GSPT1: variants seen among roughly 807,000 people sequenced by gnomAD.
GSPT1 encodes eukaryotic peptide chain release factor GTP-binding subunit ERF3A.
Under a neutral mutation model 72.5 loss-of-function variants are expected in GSPT1, and 20 were observed. That is an observed-to-expected ratio of 0.28 (90% CI 0.19 to 0.40). The LOEUF is 0.40. Among genes scored for constraint, GSPT1 ranks in the 10% least tolerant of loss-of-function variants. The pLI, the probability that GSPT1 is intolerant of heterozygous loss-of-function variation, is 1.00. For missense variants in GSPT1, 580 were observed against 811.9 expected, an observed-to-expected ratio of 0.71 and a Z score of 3.47; for synonymous variants, 334 against 293.5, an observed-to-expected ratio of 1.14 and a Z score of -1.41.
intron 1 of GSPT1, among the ~76,000 whole-genome samples, chr16:11,907,828 A>C (rs1351095139): frequency 6.6e-6 from 1 of 152,216 alleles, no homozygotes; most frequent in Non-Finnish European, 1.5e-5. Flanking sequence ...CTTTATTCGG[A>C]CACAAAAGCA....
At chr16:11,889,905 T>G (rs1471983150) in intron 6 of GSPT1, among the ~76,000 whole-genome samples, 1 of 151,842 alleles carries the variant, frequency 6.6e-6, no homozygotes. Flanking sequence ...CCTCCCAAAG[T>G]GCTGAGATTA....
chr16:11,909,574 C>CAA (rs2150891459), intron 1 of GSPT1, among the ~76,000 whole-genome samples: 1 of 152,228 alleles, frequency 6.6e-6, no homozygotes, highest in Admixed American at 6.5e-5. Flanking sequence ...ACGAAATAGA[C>CAA]AAGTACTGTA....
chr16:11,892,524 A>AAAATAAATAAAT (rs2054277887), intron 5 of GSPT1, among the ~76,000 whole-genome samples: 1 of 126,644 alleles, frequency 7.9e-6, no homozygotes, highest in African/African-American at 3.7e-5. Flanking sequence ...CAAAAAAAAC[A>AAAATAAATAAAT]AAAAAAACAA....
intron 1 of GSPT1, among the ~76,000 whole-genome samples, chr16:11,904,663 A>T (rs1017555353): frequency 6.9e-6 from 1 of 145,852 alleles, no homozygotes; most frequent in South Asian, 2.2e-4. Flanking sequence ...CATGGCAGGT[A>T]AAAAAAAAAA....
chr16:11,881,084 G>C (rs1035672156), intron 11 of GSPT1: 12 of 152,238 alleles, frequency 7.9e-5, no homozygotes, highest in African/African-American at 2.7e-4. Context: ...ATTTTTAGTA[G>C]AGACGGGGTT....
At position 11,874,947 on chromosome 16, in the gene GSPT1, T is replaced by G. The variant is rs541830358; in HGVS notation, c.1861+814A>C. The stretch of plus-strand genomic sequence containing the variant: ...TGGCTCACGCCTGTAATCCCAGCAC[T>G]TTGGGAGGCCAAGGCGGGCGGATCA... On this transcript the variant is annotated intron_variant, in intron 14 of 14. Transcript: ENST00000434724. Among the ~76,000 whole-genome samples, 410 of 152,352 alleles carry G rather than the reference T, an allele frequency of 2.7e-3. 3 individuals are homozygous for G. The highest frequency in any genetic ancestry group is 8.9e-3 in the African/African-American group (371 of 41,594).
At chr16:11,889,327 TTC>T (rs1348017068) in intron 6 of GSPT1, among the ~76,000 whole-genome samples, 11 of 129,216 alleles carry the variant, frequency 8.5e-5, no homozygotes, top group East Asian at 8.5e-4. Context: ...ACCCCTCTTC[TTC>T]TTTTTTTTTT....
intron 1 of GSPT1, among the ~76,000 whole-genome samples, chr16:11,902,986 G>T (rs2054434615): frequency 6.6e-6 from 1 of 151,752 alleles, no homozygotes; most frequent in Admixed American, 6.6e-5. Context: ...CAAAGTGCTG[G>T]GATTACACGT....
intron 14 of GSPT1, among the ~76,000 whole-genome samples, chr16:11,875,507 C>G (rs936268470): frequency 2.6e-5 from 4 of 152,030 alleles, no homozygotes; most frequent in East Asian, 1.9e-4. Flanking sequence ...AACAAAATAG[C>G]CCTCCAAATC....
Position 11,877,303 on chromosome 16 carries a change from A to G in GSPT1, c.1602+104T>C. 2.7e-6 allele frequency: 2 copies of G among 737,450 alleles called. No individual in the cohort carries two copies. The highest frequency in any genetic ancestry group is 4.3e-6 in the Non-Finnish European group (2 of 463,986). 45.7% of individuals were successfully genotyped at this position (737,450 alleles called of 1,614,324 possible). ...TTCCATTCCCCTTCTCTACACTAAG[A>G]TGGGTTAACTGGCATGTCACAAATA... On this transcript the variant is annotated intron_variant, in intron 12 of 14. Transcript: ENST00000434724. The surrounding 1 kb of genome is among the most constrained non-coding windows in gnomAD (Gnocchi z 4.0).
chr16:11,887,059 G>A lies in GSPT1; in HGVS notation c.958-128C>T, dbSNP rs144712392. The stretch of plus-strand genomic sequence containing the variant: ...TTTTTGCAAGAAAATAGAAGCAAAC[G>A]AGTTATGACGTACCTGCTTTTGAAT... On this transcript the variant is annotated intron_variant, in intron 7 of 14. Transcript: ENST00000434724. 115 of 644,142 alleles carry A rather than the reference G, an allele frequency of 1.8e-4. No homozygotes were observed. In the African/African-American group the frequency reaches 2.0e-3, roughly 11 times the overall value. The allele number at this position is 644,142 out of a possible 1,614,324, so 39.9% of individuals were successfully genotyped here. A position where few individuals can be genotyped will look rare whatever the true frequency, so the allele number is the denominator to read the frequency against.
Position 11,915,714 on chromosome 16 carries a change from G to T in GSPT1, c.7C>A (p.Pro3Thr). ...CCGCCGCCGCCGCCGCCACTGCCCG[G>T]ATCCATGATCGGGGGGGCCGTGTGT... MD[P>T]GSGGGGGGGG... The change falls in exon 1 of 15, where the codon CCG becomes ACG. Residue 3 changes from proline (P) to threonine (T), a missense_variant. Around this residue, in one of 6 missense-constraint regions of GSPT1, gnomAD observed 327 missense variants for 298.8 expected, o/e 1.09. Coordinates refer to ENST00000434724, the MANE Select transcript of GSPT1 (RefSeq NM_002094.4). 6.6e-7 allele frequency: 1 copy of T among 1,510,048 alleles called. No homozygotes were observed. Among genetic ancestry groups the T allele is most frequent in the Non-Finnish European group, 8.8e-7 (1 of 1,137,066 alleles). 93.5% of individuals were successfully genotyped at this position (1,510,048 alleles called of 1,614,324 possible).
intron 1 of GSPT1, among the ~76,000 whole-genome samples, chr16:11,899,854 C>G (rs1227948617): frequency 6.6e-6 from 1 of 152,090 alleles, no homozygotes; most frequent in Non-Finnish European, 1.5e-5. Context: ...TTATTACAAG[C>G]TGTGCCTGCA....
At position 11,868,565 on chromosome 16, in the gene GSPT1, G is replaced by A. The variant is rs2053944626; in HGVS notation, c.*4554C>T. The A allele has an allele frequency of 6.6e-6, 1 of 152,150 alleles. No homozygotes were observed. Among genetic ancestry groups the A allele is most frequent in the African/African-American group, 2.4e-5 (1 of 41,414 alleles). 9.4% of individuals were successfully genotyped at this position (152,150 alleles called of 1,614,324 possible). A position where few individuals can be genotyped will look rare whatever the true frequency, so the allele number is the denominator to read the frequency against. ...TAGACCTCAGTTTCACCTAATGCAT[G>A]TGGAGGAAATGGAGGTGAGAATAGT... On this transcript the variant is annotated 3_prime_UTR_variant, in exon 15 of 15. Coordinates refer to ENST00000434724, the MANE Select transcript of GSPT1 (RefSeq NM_002094.4).
At chr16:11,914,293 GCTAC>G (rs1263183260) in intron 1 of GSPT1, among the ~76,000 whole-genome samples, 2 of 152,112 alleles carry the variant, frequency 1.3e-5, no homozygotes, top group African/African-American at 4.8e-5. Context: ...CTGAAAGCAA[GCTAC>G]CTACCACAAA....
intron 11 of GSPT1, among the ~76,000 whole-genome samples, chr16:11,879,017 A>G (rs1423826979): frequency 4.6e-5 from 7 of 150,820 alleles, no homozygotes; most frequent in Non-Finnish European, 8.8e-5. Context: ...CAGAGGATGC[A>G]GTGAGCCGAG....
chr16:11,876,842 T>C (rs563975282), intron 12 of GSPT1, among the ~76,000 whole-genome samples: 1 of 152,358 alleles, frequency 6.6e-6, no homozygotes, highest in East Asian at 1.9e-4. Context: ...AGAAGCTACC[T>C]AGATGTAAAC....
Position 11,915,464 on chromosome 16 carries a change from A to C in GSPT1, c.257T>G (p.Val86Gly). The C allele has an allele frequency of 8.4e-6, 13 of 1,548,586 alleles. No individual in the cohort carries two copies. The highest frequency in any genetic ancestry group is 1.1e-5 in the Non-Finnish European group (13 of 1,149,714). Residue 86 changes from valine to glycine, a missense_variant, in exon 1 of 15, where the codon GTG becomes GGG. Physicochemically the swap from Val to Gly is moderately radical, Grantham distance 109. Coordinates refer to ENST00000434724, the MANE Select transcript of GSPT1 (RefSeq NM_002094.4). ...TGCCGGGCCCCGCAGGAAGGACGGCACGAACTCGGCGGCGTGGACGTTGGG... is the reference window on the plus strand; with the variant it reads ...TGCCGGGCCCCGCAGGAAGGACGGCCCGAACTCGGCGGCGTGGACGTTGGG... ...FVPNVHAAEF[V>G]PSFLRGPAAP...
rs565953855 is a variant in GSPT1 at position 11,878,831 on chromosome 16, C to G, written c.1429-1251G>C. 7.2e-5 allele frequency among the ~76,000 whole-genome samples: 11 copies of G among 151,844 alleles called. No individual in the cohort carries two copies. The South Asian group carries it at 2.3e-3, about 32-fold the overall frequency. On this transcript the variant is annotated intron_variant, in intron 11 of 14. Transcript: ENST00000434724. Reference sequence around the variant, plus strand: ...CTCACGCCTCAGCATTTTGGGAGGCCGAGGCGGGTGATCACCTGAGATCAG... The same window carrying G: ...CTCACGCCTCAGCATTTTGGGAGGCGGAGGCGGGTGATCACCTGAGATCAG...
Sources: gnomAD v4.1 joint callset for allele counts (sites outside exome capture counted in the v4.1 genomes callset) on GRCh38, gnomAD v4.1.1 for gene constraint, gnomAD v4.1.1 regional missense constraint, Gnocchi (gnomAD v3.1) non-coding constraint, MANE v1.5 for transcripts, NCBI Gene and HGNC (gene_info 2026-07-23, HGNC 2026-07-21) for gene names.